COL4A2: variants seen among roughly 807,000 people sequenced by gnomAD.
The protein encoded by COL4A2 is collagen type IV alpha 2 chain, also known as collagen alpha-2(IV) chain.
In COL4A2, 99 loss-of-function variants were observed where a neutral mutation model predicts 200.2. The ratio of observed to expected loss-of-function variants is 0.49; its 90% CI spans 0.42 to 0.58. The LOEUF is 0.58. COL4A2 is among the 20% of genes least tolerant of loss of function. COL4A2 has a pLI of 0.00. For missense variants in COL4A2, 1,950 were observed against 2,314.1 expected, an observed-to-expected ratio of 0.84 and a Z score of 3.23; for synonymous variants, 897 against 900.6, an observed-to-expected ratio of 1.00 and a Z score of 0.07.
intron 4 of COL4A2, among the ~76,000 whole-genome samples, chr13:110,415,541 T>C (rs1465780373): frequency 6.6e-6 from 1 of 152,226 alleles, no homozygotes. Context: ...GCTCGTAACC[T>C]TTTTTCTTAC....
At chr13:110,453,779 C>G (rs1310806979) in intron 20 of COL4A2, among the ~76,000 whole-genome samples, 5 of 152,112 alleles carry the variant, frequency 3.3e-5, no homozygotes, top group African/African-American at 1.2e-4. Context: ...AACTTAAGTC[C>G]TCTAATTATA....
chr13:110,376,295 A>G (rs2139406218), intron 4 of COL4A2, among the ~76,000 whole-genome samples: 1 of 152,300 alleles, frequency 6.6e-6, no homozygotes, highest in South Asian at 2.1e-4. Context: ...TGGCAGAGCA[A>G]CAGTCTGGAA....
rs994376447 is a variant in COL4A2 at position 110,341,644 on chromosome 13, G to A, written c.100-15828G>A. ...GAGCAGGAGCCTTCCTTAGGTGTGCGTAAGGGGATACCGGCTTTAAAGACG... is the reference window on the plus strand; with the variant it reads ...GAGCAGGAGCCTTCCTTAGGTGTGCATAAGGGGATACCGGCTTTAAAGACG... On this transcript the variant is annotated intron_variant, in intron 3 of 47. Coordinates refer to ENST00000360467, the MANE Select transcript of COL4A2 (RefSeq NM_001846.4). Among the ~76,000 whole-genome samples the A allele has an allele frequency of 5.9e-5, 9 of 152,346 alleles. No individual in the cohort carries two copies. In the South Asian group the frequency reaches 6.2e-4, roughly 11 times the overall value.
At chr13:110,335,248 G>C (rs946148887) in intron 3 of COL4A2, among the ~76,000 whole-genome samples, 6 of 152,058 alleles carry the variant, frequency 3.9e-5, no homozygotes, top group African/African-American at 1.4e-4. Flanking sequence ...TAATGCTTCA[G>C]CCATGGCTCC....
At position 110,307,758 on chromosome 13, in the gene COL4A2, C is replaced by G. The variant is rs1594135177; in HGVS notation, c.-44-102C>G. ...CCCTCCGGTCACCCCTGCATGCGGG[C>G]CGCGCACCGCGCTGTCCCCGCGTCT... On this transcript the variant is annotated intron_variant, in intron 1 of 47. Transcript: ENST00000360467. The surrounding 1 kb of genome is among the most constrained non-coding windows in gnomAD (Gnocchi z 5.0). The G allele has an allele frequency of 5.3e-6, 6 of 1,132,304 alleles. No homozygotes were observed. The highest frequency in any genetic ancestry group is 7.4e-6 in the Non-Finnish European group (6 of 812,274). The allele number at this position is 1,132,304 out of a possible 1,614,324, so 70.1% of individuals were successfully genotyped here. A position where few individuals can be genotyped will look rare whatever the true frequency, so the allele number is the denominator to read the frequency against.
chr13:110,357,148 TGGTGATGCG>T (rs1183851685), intron 3 of COL4A2, among the ~76,000 whole-genome samples: 1 of 152,046 alleles, frequency 6.6e-6, no homozygotes, highest in Non-Finnish European at 1.5e-5. Context: ...ACTCTGGTGA[TGGTGATGCG>T]GGCAGACTCA....
At chr13:110,411,933 G>A (rs1879858901) in intron 4 of COL4A2, among the ~76,000 whole-genome samples, 3 of 152,188 alleles carry the variant, frequency 2.0e-5, no homozygotes, top group African/African-American at 7.2e-5. Context: ...TACCTACCTC[G>A]TAGAGGTTTG....
chr13:110,365,488 A>G (rs1488511886), intron 4 of COL4A2, among the ~76,000 whole-genome samples: 6 of 152,198 alleles, frequency 3.9e-5, no homozygotes, highest in African/African-American at 1.4e-4. Flanking sequence ...ATGGCGCACC[A>G]AAGTATGAAC....
At position 110,508,259 on chromosome 13, in the gene COL4A2, C is replaced by A. The variant is rs1335700673; in HGVS notation, c.4881+38C>A. 3 of 1,603,534 alleles carry A rather than the reference C, an allele frequency of 1.9e-6. No individual in the cohort carries two copies. Among genetic ancestry groups the A allele is most frequent in the South Asian group, 2.2e-5 (2 of 89,808 alleles). On this transcript the variant is annotated intron_variant, in intron 47 of 47. Transcript: ENST00000360467. This position sits in a 1 kb window ranked among gnomAD's most constrained non-coding sequence, Gnocchi z 6.1. ...TGCCCAGTTCCCCTCCCCAACCACA[C>A]CCTGCTGGGGACACAGCAAGAACAG...
chr13:110,374,270 C>T (rs534974249), intron 4 of COL4A2, among the ~76,000 whole-genome samples: 1 of 152,226 alleles, frequency 6.6e-6, no homozygotes, highest in East Asian at 1.9e-4. Flanking sequence ...AATTGAAGAA[C>T]AATGATGTGA....
At chr13:110,309,306 C>T (rs566709195) in intron 3 of COL4A2, among the ~76,000 whole-genome samples, 1 of 152,300 alleles carries the variant, frequency 6.6e-6, no homozygotes, top group South Asian at 2.1e-4. Flanking sequence ...CCAGAGCACT[C>T]CAGGCCAAAG....
chr13:110,425,588 T>C (rs2139454850), intron 6 of COL4A2, among the ~76,000 whole-genome samples: 1 of 152,344 alleles, frequency 6.6e-6, no homozygotes, highest in African/African-American at 2.4e-5. Context: ...CAGGGTTGGC[T>C]TCCTGGCCAG....
At chr13:110,493,880 CT>C (rs1442625948) in intron 39 of COL4A2, among the ~76,000 whole-genome samples, 1 of 152,192 alleles carries the variant, frequency 6.6e-6, no homozygotes, top group African/African-American at 2.4e-5. Flanking sequence ...CCGCTCTCCC[CT>C]GTCACTTCTT....
chr13:110,449,721 C>T lies in COL4A2; in HGVS notation c.1121C>T (p.Pro374Leu). Residue 374 changes from proline to leucine, a missense_variant, in exon 19 of 48, where the codon CCA (proline) becomes CTA (leucine). By Grantham distance (98) the Pro-to-Leu change is moderately conservative. Coordinates refer to ENST00000360467, the MANE Select transcript of COL4A2 (RefSeq NM_001846.4). ...DPGFPGAQGE[P>L]GSQGEPGDPG... ...GGATTCCCAGGGGCCCAAGGGGAGC[C>T]AGGAAGCCAGGGTGAGCCAGGAGAC... 2 of 1,549,788 alleles carry T rather than the reference C, an allele frequency of 1.3e-6. No individual in the cohort carries two copies. Among genetic ancestry groups the T allele is most frequent in the Non-Finnish European group, 8.7e-7 (1 of 1,146,512 alleles).
At chr13:110,495,140 G>T (rs2139541121) in intron 39 of COL4A2, among the ~76,000 whole-genome samples, 1 of 152,006 alleles carries the variant, frequency 6.6e-6, no homozygotes, top group African/African-American at 2.4e-5. Flanking sequence ...AGAGCCAAGG[G>T]CTTCCACTGT....
chr13:110,432,225 C>G, intron 10 of COL4A2, 100 bp from the exon 11 acceptor site: 1 of 1,410,590 alleles, frequency 7.1e-7, no homozygotes, highest in Non-Finnish European at 9.3e-7. Context: ...ACACTGTGTC[C>G]TAAATATACA....
chr13:110,309,099 G>A (rs1884901480), intron 3 of COL4A2, among the ~76,000 whole-genome samples: 1 of 152,198 alleles, frequency 6.6e-6, no homozygotes, highest in Non-Finnish European at 1.5e-5. Flanking sequence ...AAGGGCAAAC[G>A]TGTTCATGAT....
rs1884825436 is a variant in COL4A2, at chr13:110,307,730, C to A, written c.-44-130C>A. On this transcript the variant is annotated intron_variant, in intron 1 of 47. Transcript: ENST00000360467. The surrounding 1 kb of genome is among the most constrained non-coding windows in gnomAD (Gnocchi z 5.0). ...CCTTCTTTCCGGGTCGTGGGGGGGA[C>A]GGCCCTCCGGTCACCCCTGCATGCG... is the stretch of plus-strand genomic sequence containing the variant. 4.8e-6 allele frequency: 4 copies of A among 825,620 alleles called. No homozygotes were observed. Among genetic ancestry groups the A allele is most frequent in the Admixed American group, 3.0e-5 (1 of 32,952 alleles). The allele number at this position is 825,620 out of a possible 1,614,324, so 51.1% of individuals were successfully genotyped here. A position where few individuals can be genotyped will look rare whatever the true frequency, so the allele number is the denominator to read the frequency against.
rs555177565 is a variant in COL4A2 at position 110,398,434 on chromosome 13, G to C, written c.181-26300G>C. Among the ~76,000 whole-genome samples the C allele has an allele frequency of 6.6e-5, 10 of 152,284 alleles. No individual in the cohort carries two copies. In the South Asian group the frequency reaches 2.1e-3, roughly 32 times the overall value. The stretch of plus-strand genomic sequence containing the variant: ...AACACTTTGGGAGGCCAAGGTGGGT[G>C]GATCAGTTGAGGTCGGGAGTTCAAG... On this transcript the variant is annotated intron_variant, in intron 4 of 47. Coordinates refer to ENST00000360467, the MANE Select transcript of COL4A2 (RefSeq NM_001846.4).
Sources: allele counts gnomAD v4.1 joint callset (sites outside exome capture counted in the v4.1 genomes callset), GRCh38; gene constraint gnomAD v4.1.1; non-coding constraint Gnocchi (gnomAD v3.1); transcripts MANE v1.5; gene names NCBI Gene and HGNC (gene_info 2026-07-23, HGNC 2026-07-21).